Variants in AJAP1 observed in about 807,000 individuals in gnomAD.
AJAP1 encodes adherens junctions associated protein 1, also known as adherens junction-associated protein 1.
In AJAP1, 5 loss-of-function variants were observed where a neutral mutation model predicts 35.0. That is an observed-to-expected ratio of 0.14 (90% CI 0.07 to 0.30). The LOEUF (loss-of-function observed/expected upper bound fraction) is 0.30. Ranked by LOEUF, AJAP1 falls within the 10% of genes least tolerant of loss-of-function variation. The pLI is 1.00. For missense variants in AJAP1, 586 were observed against 571.0 expected, an observed-to-expected ratio of 1.03 and a Z score of -0.27; for synonymous variants, 284 against 249.3, an observed-to-expected ratio of 1.14 and a Z score of -1.31.
intron 2 of AJAP1, among the ~76,000 whole-genome samples, chr1:4,716,841 T>C (rs1274991457): frequency 6.6e-6 from 1 of 152,156 alleles, no homozygotes; most frequent in East Asian, 1.9e-4. Flanking sequence ...CCTTTACTGC[T>C]CTATTGAGGG....
At chr1:4,774,703 C>T (rs890450751) in intron 5 of AJAP1, 145 bp downstream of exon 5, 36 of 571,804 alleles carry the variant, frequency 6.3e-5, no homozygotes, top group African/African-American at 4.2e-4. Context: ...GAACATGAGC[C>T]GGCGGGGGGG....
chr1:4,710,753 G>A (rs1570140638), intron 1 of AJAP1, among the ~76,000 whole-genome samples: 1 of 152,244 alleles, frequency 6.6e-6, no homozygotes, highest in Non-Finnish European at 1.5e-5. Context: ...CCTATAATCA[G>A]TCTTCAATTA....
chr1:4,775,509 T>C (rs1348900573), intron 5 of AJAP1, among the ~76,000 whole-genome samples: 1 of 152,156 alleles, frequency 6.6e-6, no homozygotes, highest in Non-Finnish European at 1.5e-5. Context: ...AGGGACAGAA[T>C]GGACAAAGTC....
intron 2 of AJAP1, among the ~76,000 whole-genome samples, chr1:4,731,010 A>G (rs1640784311): frequency 6.6e-6 from 1 of 152,202 alleles, no homozygotes; most frequent in African/African-American, 2.4e-5. Flanking sequence ...TGTTTTCACC[A>G]TAAGAACATT....
At chr1:4,741,927 TG>T (rs1479050501) in intron 2 of AJAP1, among the ~76,000 whole-genome samples, 1 of 152,376 alleles carries the variant, frequency 6.6e-6, no homozygotes, top group South Asian at 2.1e-4. Flanking sequence ...AGACAATTTC[TG>T]GTCTAACTCA....
chr1:4,778,711 C>A, intron 5 of AJAP1, among the ~76,000 whole-genome samples: 1 of 152,264 alleles, frequency 6.6e-6, no homozygotes, highest in Middle Eastern at 3.4e-3. Flanking sequence ...ACTCCCTTCC[C>A]TGCATAGCCG....
intron 1 of AJAP1, among the ~76,000 whole-genome samples, chr1:4,657,272 C>G (rs1174121209): frequency 6.6e-6 from 1 of 152,166 alleles, no homozygotes; most frequent in Non-Finnish European, 1.5e-5. Context: ...GGAAATAGTT[C>G]TGTTGGTTCT....
intron 2 of AJAP1, among the ~76,000 whole-genome samples, chr1:4,761,839 G>A (rs1641574081): frequency 6.6e-6 from 1 of 152,178 alleles, no homozygotes; most frequent in African/African-American, 2.4e-5. Context: ...TCTTCTGCCT[G>A]CTTTTATTCT....
intron 1 of AJAP1, among the ~76,000 whole-genome samples, chr1:4,673,872 C>T (rs977983803): frequency 3.3e-5 from 5 of 151,516 alleles, no homozygotes; most frequent in Admixed American, 2.6e-4. Flanking sequence ...GAGCCAGGAG[C>T]GAGAAGTCAG....
intron 2 of AJAP1, among the ~76,000 whole-genome samples, chr1:4,738,793 A>G (rs578528): frequency 0.31 from 46,730 of 152,034 alleles, 7,330 homozygotes; most frequent in Middle Eastern, 0.36. Flanking sequence ...GAAAGTGCCT[A>G]GGACATGCAT....
chr1:4,744,314 T>C (rs992240862), intron 2 of AJAP1, among the ~76,000 whole-genome samples: 8 of 151,228 alleles, frequency 5.3e-5, no homozygotes, highest in African/African-American at 1.9e-4. Flanking sequence ...TTTAAAGGAC[T>C]CTCACGTATT....
chr1:4,736,806 G>GC (rs946417411), intron 2 of AJAP1, among the ~76,000 whole-genome samples: 1 of 152,200 alleles, frequency 6.6e-6, no homozygotes, highest in Non-Finnish European at 1.5e-5. Flanking sequence ...ACGTGCGGGG[G>GC]CCGCTGGTAA....
At position 4,709,785 on chromosome 1, in the gene AJAP1, G is replaced by A. The variant is rs140573884; in HGVS notation, c.30-2115G>A. Reference sequence around the variant, plus strand: ...ACACCGTGCTGAGGATTAGCATAATGTGGAGGTCCTCATTTCTGCAGCAAA... The same window carrying A: ...ACACCGTGCTGAGGATTAGCATAATATGGAGGTCCTCATTTCTGCAGCAAA... On this transcript the variant is annotated intron_variant, in intron 1 of 5. Coordinates refer to ENST00000378191, the MANE Select transcript of AJAP1 (RefSeq NM_018836.4). 6.7e-3 allele frequency among the ~76,000 whole-genome samples: 1,019 copies of A among 152,294 alleles called. 8 individuals are homozygous for A. The highest frequency in any genetic ancestry group is 0.023 in the African/African-American group (962 of 41,558).
In AJAP1 at chr1:4,655,331, A is replaced by T. The variant is rs1040753604; in HGVS notation, c.-95A>T. On this transcript the variant is annotated 5_prime_UTR_variant, in exon 1 of 6. Coordinates refer to ENST00000378191, the MANE Select transcript of AJAP1 (RefSeq NM_018836.4). The surrounding 1 kb of genome is among the most constrained non-coding windows in gnomAD (Gnocchi z 6.9). ...CGGGAGGCGGCGGACCGAGAGCCGG[A>T]GACCGGCGCCGCGGGACGGAAGCGA... 3 of 1,176,760 alleles carry T rather than the reference A, an allele frequency of 2.5e-6. No individual in the cohort carries two copies. Among genetic ancestry groups the T allele is most frequent in the Non-Finnish European group, 3.3e-6 (3 of 905,660 alleles). 72.9% of individuals were successfully genotyped at this position (1,176,760 alleles called of 1,614,324 possible).
chr1:4,679,530 G>A (rs1406143016), intron 1 of AJAP1, among the ~76,000 whole-genome samples: 1 of 152,160 alleles, frequency 6.6e-6, no homozygotes, highest in South Asian at 2.1e-4. Flanking sequence ...TAAAATGATA[G>A]AAATATATTA....
chr1:4,743,115 G>C (rs1379826074), intron 2 of AJAP1, among the ~76,000 whole-genome samples: 1 of 152,180 alleles, frequency 6.6e-6, no homozygotes, highest in Non-Finnish European at 1.5e-5. Flanking sequence ...ATTACCCCTT[G>C]GTGGCTGCAG....
chr1:4,778,571 A>ATCTCTCTCTCTCTCTCTCTCTCTCTC (rs141390632), intron 5 of AJAP1, among the ~76,000 whole-genome samples: 1 of 142,794 alleles, frequency 7.0e-6, no homozygotes, highest in African/African-American at 2.6e-5. Context: ...GATTGGCGCC[A>ATCTCTCTCTCTCTCTCTCTCTCTCTC]TCTCTCTCTC....
intron 1 of AJAP1, among the ~76,000 whole-genome samples, chr1:4,696,351 T>C (rs967025158): frequency 1.3e-5 from 2 of 152,204 alleles, no homozygotes; most frequent in Non-Finnish European, 2.9e-5. Flanking sequence ...TGACACCTTC[T>C]CAGGAACAGC....
intron 1 of AJAP1, among the ~76,000 whole-genome samples, chr1:4,670,291 T>C (rs1181994038): frequency 6.6e-6 from 1 of 152,196 alleles, no homozygotes; most frequent in African/African-American, 2.4e-5. Flanking sequence ...CAGCACTTTT[T>C]ATCAGCTCTG....
Sources: allele counts gnomAD v4.1 joint callset (sites outside exome capture counted in the v4.1 genomes callset), GRCh38; gene constraint gnomAD v4.1.1; non-coding constraint Gnocchi (gnomAD v3.1); transcripts MANE v1.5; gene names NCBI Gene and HGNC (gene_info 2026-07-23, HGNC 2026-07-21).